Variants in VAV2 observed in about 807,000 individuals in gnomAD.
The protein encoded by VAV2 is guanine nucleotide exchange factor VAV2.
VAV2 carries 67 observed loss-of-function variants against 132.5 expected under a neutral mutation model. The observed-to-expected ratio is 0.51, with a 90% CI of 0.42 to 0.62. VAV2 has a LOEUF of 0.62. Ranked by LOEUF, VAV2 falls within the 20% of genes least tolerant of loss-of-function variation. VAV2 has a pLI of 0.00. For missense variants in VAV2, 938 were observed against 1,153.6 expected (o/e 0.81, Z 2.71); for synonymous variants, 492 against 443.5 (o/e 1.11, Z -1.37).
At position 133,812,100 on chromosome 9, in the gene VAV2, G is replaced by C; in HGVS notation, c.552+14C>G. 6.2e-7 allele frequency: 1 copy of C among 1,612,454 alleles called. No homozygotes were observed. The highest frequency in any genetic ancestry group is 8.5e-7 in the Non-Finnish European group (1 of 1,178,866). ...AAGGGAGGGGAAGGGAGGGAGGAGC[G>C]GGGCAGGGCTCACCATGGGCTGCTG... On this transcript the variant is annotated intron_variant, in intron 5 of 29. Transcript: ENST00000371850.
rs144398774 is a variant in VAV2, at chr9:133,784,407, T to C, written c.1544A>G (p.Lys515Arg). The stretch of plus-strand genomic sequence containing the variant: ...GTGGTTGGCATTGGCTTTGTCTGGC[T>C]TGATGTTTGACCTGGCAGGAGGGAA... Reference protein sequence around the residue: ...EQFEMAMSNIKPDKANANHHS... With the variant: ...EQFEMAMSNIRPDKANANHHS... The change falls in exon 18 of 30, where the codon AAG becomes AGG. Residue 515 changes from lysine (K) to arginine (R), a missense_variant. By Grantham distance (26) the Lys-to-Arg change is conservative (BLOSUM62 2). Coordinates refer to ENST00000371850, the MANE Select transcript of VAV2 (RefSeq NM_001134398.2). 6.1e-5 allele frequency: 98 copies of C among 1,614,152 alleles called. No individual in the cohort carries two copies. The highest frequency in any genetic ancestry group is 4.9e-4 in the Middle Eastern group (3 of 6,062).
At chr9:133,799,855 G>C (rs571461615) in intron 9 of VAV2, among the ~76,000 whole-genome samples, 2 of 152,180 alleles carry the variant, frequency 1.3e-5, no homozygotes, top group Non-Finnish European at 2.9e-5. Context: ...ACATTTAAGA[G>C]ACCACCGGAC....
intron 1 of VAV2, among the ~76,000 whole-genome samples, chr9:133,940,897 G>A (rs958678155): frequency 6.7e-6 from 1 of 149,726 alleles, no homozygotes; most frequent in Non-Finnish European, 1.5e-5. Flanking sequence ...AATATATAAA[G>A]GACAACCAAA....
intron 17 of VAV2, among the ~76,000 whole-genome samples, chr9:133,785,293 C>T (rs1834174038): frequency 6.6e-6 from 1 of 152,216 alleles, no homozygotes; most frequent in South Asian, 2.1e-4. Flanking sequence ...TTCCGGGAAC[C>T]CGTTCATCAT....
intron 2 of VAV2, among the ~76,000 whole-genome samples, chr9:133,867,017 G>A (rs1221548756): frequency 1.3e-5 from 2 of 152,162 alleles, no homozygotes; most frequent in African/African-American, 2.4e-5. Flanking sequence ...TTCCTCAACA[G>A]TAAAACACGG....
At chr9:133,820,313 GTTTC>G (rs1378941703) in intron 4 of VAV2, among the ~76,000 whole-genome samples, 5 of 149,868 alleles carry the variant, frequency 3.3e-5, no homozygotes, top group East Asian at 1.9e-4. Context: ...CCATAAACAA[GTTTC>G]TTTTTCTTTT....
chr9:133,792,482 T>C (rs1834528028), intron 12 of VAV2, among the ~76,000 whole-genome samples: 1 of 125,314 alleles, frequency 8.0e-6, no homozygotes, highest in African/African-American at 3.0e-5. Flanking sequence ...TGTGATTGTG[T>C]GAGCAGGTTA....
intron 19 of VAV2, 60 bp downstream of exon 19, chr9:133,783,443 G>A (rs680458): frequency 0.78 from 1,201,835 of 1,535,392 alleles, 474,522 homozygotes; most frequent in East Asian, 0.98. Flanking sequence ...CAGGTGGTAG[G>A]GGGCAGAAGT....
intron 17 of VAV2, 112 bp from the exon 18 acceptor site, chr9:133,784,530 G>A (rs2131601092): frequency 1.7e-6 from 2 of 1,172,768 alleles, no homozygotes; most frequent in Non-Finnish European, 2.5e-6. Context: ...CAGAATCCGA[G>A]AGGGCCTGGA....
At position 133,787,229 on chromosome 9, in the gene VAV2, G is replaced by C. The variant is rs759425127; in HGVS notation, c.1422+17C>G. 6.3e-7 allele frequency: 1 copy of C among 1,575,828 alleles called. No homozygotes were observed. The highest frequency in any genetic ancestry group is 8.6e-7 in the Non-Finnish European group (1 of 1,158,248). ...ATGATTGAGGCAGGTGGGAGGACCT[G>C]GGCGCTAGGTGCTTACCATTTTCCC... On this transcript the variant is annotated intron_variant, in intron 16 of 29. Transcript: ENST00000371850.
chr9:133,902,627 G>A (rs1839488037), intron 2 of VAV2, among the ~76,000 whole-genome samples: 1 of 152,178 alleles, frequency 6.6e-6, no homozygotes, highest in Non-Finnish European at 1.5e-5. Flanking sequence ...GTTTCGGGTT[G>A]AACTGTGTCC....
intron 6 of VAV2, 72 bp from the exon 7 acceptor site, chr9:133,809,210 G>T: frequency 7.9e-7 from 1 of 1,266,016 alleles, no homozygotes; most frequent in Non-Finnish European, 1.1e-6. Flanking sequence ...TCTGCACCGC[G>T]ACACCCGGAC....
Position 133,991,521 on chromosome 9 carries a change from G to A in VAV2, c.204+554C>T, listed in dbSNP as rs1179915237. On this transcript the variant is annotated intron_variant, in intron 1 of 29. Transcript: ENST00000371850. This position sits in a 1 kb window ranked among gnomAD's most constrained non-coding sequence, Gnocchi z 4.8. ...CGCCAAGTGGCCCGGGTCCGGGTCC[G>A]GGAAGAGGCGGAGGCCGGCGAGGGG... Among the ~76,000 whole-genome samples the A allele has an allele frequency of 1.3e-5, 2 of 151,854 alleles. No individual in the cohort carries two copies. The highest frequency in any genetic ancestry group is 2.9e-5 in the Non-Finnish European group (2 of 67,904).
rs984067611 is a variant in VAV2, at chr9:133,774,791, C to T, written c.2135+144G>A. On this transcript the variant is annotated intron_variant, in intron 25 of 29. Transcript: ENST00000371850. ...GAGACCCCCTGACCCCTCAGCACCG[C>T]TTTCATCTCAATAATGTCCTCACTT... 7 of 770,266 alleles carry T rather than the reference C, an allele frequency of 9.1e-6. No homozygotes were observed. In the East Asian group the frequency reaches 1.0e-4, roughly 11 times the overall value. The allele number at this position is 770,266 out of a possible 1,614,324, so 47.7% of individuals were successfully genotyped here.
At chr9:133,970,755 T>C (rs1013940540) in intron 1 of VAV2, among the ~76,000 whole-genome samples, 3 of 152,124 alleles carry the variant, frequency 2.0e-5, no homozygotes, top group Non-Finnish European at 4.4e-5. Flanking sequence ...CAGCCTCTCG[T>C]GTCAAATGGT....
intron 2 of VAV2, among the ~76,000 whole-genome samples, chr9:133,873,997 T>C (rs1233764293): frequency 6.6e-6 from 1 of 152,082 alleles, no homozygotes; most frequent in Admixed American, 6.5e-5. Flanking sequence ...TATTTCATTT[T>C]ATTCCCTCAA....
intron 3 of VAV2, among the ~76,000 whole-genome samples, chr9:133,844,317 C>T (rs998603163): frequency 1.8e-4 from 28 of 152,328 alleles, no homozygotes; most frequent in Non-Finnish European, 3.4e-4. Flanking sequence ...GGTGTCCTTC[C>T]CCGGTGAGCA....
intron 2 of VAV2, among the ~76,000 whole-genome samples, chr9:133,903,177 G>A (rs1056094463): frequency 2.6e-5 from 4 of 151,850 alleles, no homozygotes; most frequent in Non-Finnish European, 5.9e-5. Context: ...GCAAGCCCAG[G>A]AGAGTGCCCC....
intron 4 of VAV2, among the ~76,000 whole-genome samples, chr9:133,830,526 T>C (rs1204416455): frequency 6.6e-6 from 1 of 152,228 alleles, no homozygotes; most frequent in African/African-American, 2.4e-5. Flanking sequence ...GCTGCTGCCA[T>C]GTGAAGAAAA....
Sources: allele counts gnomAD v4.1 joint callset (sites outside exome capture counted in the v4.1 genomes callset), GRCh38; gene constraint gnomAD v4.1.1; non-coding constraint Gnocchi (gnomAD v3.1); transcripts MANE v1.5; gene names NCBI Gene and HGNC (gene_info 2026-07-23, HGNC 2026-07-21).